Variants in TMEM232 observed in about 807,000 individuals in gnomAD.
TMEM232 encodes the protein transmembrane protein 232.
In TMEM232, 80 loss-of-function variants were observed where a neutral mutation model predicts 78.8. That is an observed-to-expected ratio of 1.01 (90% CI 0.85 to 1.22). TMEM232 has a LOEUF of 1.22. TMEM232 is among the 50% of genes most tolerant of loss of function. The probability of loss-of-function intolerance (pLI) is 0.00; values close to 1 mark genes in which losing one functional copy is unlikely to be tolerated. For missense variants in TMEM232, 881 were observed against 742.2 expected (o/e 1.19, Z -2.17); for synonymous variants, 297 against 254.3 (o/e 1.17, Z -1.60).
At chr5:110,418,862 C>A (rs1756387801), downstream of TMEM232, among the ~76,000 whole-genome samples, 1 of 152,124 alleles carries the variant, frequency 6.6e-6, no homozygotes, top group African/African-American at 2.4e-5. Flanking sequence ...TGTTGAAATT[C>A]TTTTAAGTAG....
chr5:110,688,876 T>G (rs972706249), intron 1 of TMEM232, among the ~76,000 whole-genome samples: 1 of 152,142 alleles, frequency 6.6e-6, no homozygotes, highest in Non-Finnish European at 1.5e-5. Context: ...CTGCTAAAAC[T>G]TCACCATGGC....
chr5:110,541,730 G>A lies in TMEM232; in HGVS notation c.1456-12895C>T, dbSNP rs540982739. 2.0e-5 allele frequency among the ~76,000 whole-genome samples: 3 copies of A among 152,180 alleles called. No homozygotes were observed. In the South Asian group the frequency reaches 6.2e-4, roughly 32 times the overall value. The stretch of plus-strand genomic sequence containing the variant: ...CTCTTAAGGATCCATAATACCCCTA[G>A]AGCAAAAATTAATATAAGCCTATAA... On this transcript the variant is annotated intron_variant, in intron 11 of 13. Coordinates refer to ENST00000455884, the MANE Select transcript of TMEM232 (RefSeq NM_001039763.4).
chr5:110,510,748 C>T lies in TMEM232; in HGVS notation c.1703+17840G>A, dbSNP rs137938605. ...GCAAATCAAAATCACAATAATATAC[C>T]ATCTCATGCCAGTTAGAATGGCGAT... On this transcript the variant is annotated intron_variant, in intron 12 of 13. Transcript: ENST00000455884. Among the ~76,000 whole-genome samples, 1,034 of 152,148 alleles carry T rather than the reference C, an allele frequency of 6.8e-3. 10 individuals carry two copies. Among genetic ancestry groups the T allele is most frequent in the African/African-American group, 0.024 (980 of 41,502 alleles).
At chr5:110,671,717 G>A (rs1791371049) in intron 1 of TMEM232, among the ~76,000 whole-genome samples, 1 of 152,084 alleles carries the variant, frequency 6.6e-6, no homozygotes. Flanking sequence ...GATACAGGGA[G>A]GGGAACATCA....
chr5:110,617,276 G>A (rs1300084792), intron 8 of TMEM232, among the ~76,000 whole-genome samples: 1 of 152,166 alleles, frequency 6.6e-6, no homozygotes, highest in Non-Finnish European at 1.5e-5. Context: ...GGGGAGTAAG[G>A]AAGATGGGCA....
intron 2 of TMEM232, among the ~76,000 whole-genome samples, chr5:110,401,834 T>C (rs764821088): frequency 9.2e-5 from 14 of 152,086 alleles, no homozygotes; most frequent in Non-Finnish European, 1.9e-4. Context: ...TCAGAAGATA[T>C]AGGCAATACT....
intron 2 of TMEM232, among the ~76,000 whole-genome samples, chr5:110,405,770 A>T (rs1196324052): frequency 6.6e-6 from 1 of 151,228 alleles, no homozygotes; most frequent in Admixed American, 6.6e-5. Context: ...GGCCATCTGT[A>T]ACTTCCTGGA....
intron 12 of TMEM232, among the ~76,000 whole-genome samples, chr5:110,489,275 C>T (rs1764782142): frequency 6.6e-6 from 1 of 151,644 alleles, no homozygotes; most frequent in South Asian, 2.1e-4. Context: ...AAGTAAAATA[C>T]AAGCAAACCA....
At chr5:110,503,505 T>G (rs1194527763) in intron 12 of TMEM232, among the ~76,000 whole-genome samples, 1 of 152,140 alleles carries the variant, frequency 6.6e-6, no homozygotes, top group Admixed American at 6.6e-5. Flanking sequence ...CTGAGTATAG[T>G]ACCGAAGGGA....
At chr5:110,672,434 T>C (rs946518652) in intron 1 of TMEM232, among the ~76,000 whole-genome samples, 19 of 152,160 alleles carry the variant, frequency 1.2e-4, no homozygotes, top group African/African-American at 4.6e-4. Context: ...CAACACAAGT[T>C]TGTAAACCAT....
chr5:110,491,957 T>C (rs949616722), intron 12 of TMEM232, among the ~76,000 whole-genome samples: 5 of 151,890 alleles, frequency 3.3e-5, no homozygotes, highest in Admixed American at 6.6e-5. Flanking sequence ...ATAGACAAAT[T>C]ACTTAAAAAA....
At chr5:110,641,077 C>T (rs1464083867) in intron 3 of TMEM232, 81 bp from the exon 4 acceptor site, 20 of 844,376 alleles carry the variant, frequency 2.4e-5, no homozygotes, top group Non-Finnish European at 3.2e-5. Flanking sequence ...CTTAATTGTG[C>T]TCCAAAAGTC....
At chr5:110,711,822 C>G (rs1796511723) in intron 1 of TMEM232, among the ~76,000 whole-genome samples, 1 of 152,024 alleles carries the variant, frequency 6.6e-6, no homozygotes, top group Admixed American at 6.6e-5. Flanking sequence ...GAATCAAACT[C>G]TGGGCCAGGT....
At chr5:110,595,856 G>A (rs1780093524) in intron 10 of TMEM232, among the ~76,000 whole-genome samples, 1 of 152,104 alleles carries the variant, frequency 6.6e-6, no homozygotes, top group Non-Finnish European at 1.5e-5. Flanking sequence ...CACACTTCAG[G>A]ATATTATCCG....
chr5:110,474,094 G>A (rs959651340), intron 12 of TMEM232, among the ~76,000 whole-genome samples: 1 of 151,530 alleles, frequency 6.6e-6, no homozygotes, highest in Non-Finnish European at 1.5e-5. Context: ...AGTGACTATA[G>A]TTAACAAAAA....
chr5:110,611,127 T>G (rs1312221334), intron 8 of TMEM232, among the ~76,000 whole-genome samples: 1 of 152,122 alleles, frequency 6.6e-6, no homozygotes, highest in Non-Finnish European at 1.5e-5. Context: ...ACAGAACATC[T>G]GAAATAATTA....
chr5:110,668,374 T>G (rs1790887503), intron 1 of TMEM232, among the ~76,000 whole-genome samples: 1 of 152,154 alleles, frequency 6.6e-6, no homozygotes, highest in South Asian at 2.1e-4. Flanking sequence ...AGAGGGAGCC[T>G]GGAGGATAGA....
chr5:110,522,558 G>A (rs1270640428), intron 12 of TMEM232, among the ~76,000 whole-genome samples: 1 of 151,926 alleles, frequency 6.6e-6, no homozygotes, highest in Non-Finnish European at 1.5e-5. Flanking sequence ...TTACATATAT[G>A]GCCTTTATTA....
At chr5:110,654,031 C>G (rs916430284) in intron 2 of TMEM232, among the ~76,000 whole-genome samples, 2 of 152,102 alleles carry the variant, frequency 1.3e-5, no homozygotes, top group African/African-American at 4.8e-5. Flanking sequence ...AAAGAAGAAA[C>G]AGTAAATATG....
Sources: gnomAD v4.1 joint callset for allele counts (sites outside exome capture counted in the v4.1 genomes callset) on GRCh38, gnomAD v4.1.1 for gene constraint, MANE v1.5 for transcripts, NCBI Gene and HGNC (gene_info 2026-07-23, HGNC 2026-07-21) for gene names.